The following CACNA1A variants were observed in gnomAD, a reference collection of about 807,000 sequenced individuals.
CACNA1A encodes voltage-dependent P/Q-type calcium channel subunit alpha-1A.
A neutral mutation model predicts 262.4 loss-of-function variants in CACNA1A; 57 were observed. That is an observed-to-expected ratio of 0.22 (90% CI 0.18 to 0.27). CACNA1A has a LOEUF of 0.27. CACNA1A is among the 10% of genes least tolerant of loss of function. The pLI is 1.00. For missense variants in CACNA1A, 2,526 were observed against 3,562.8 expected (o/e 0.71, Z 7.41); for synonymous variants, 1,431 against 1,419.3 (o/e 1.01, Z -0.18).
chr19:13,374,939 G>T (rs545989416), intron 3 of CACNA1A, among the ~76,000 whole-genome samples: 133 of 152,276 alleles, frequency 8.7e-4, no homozygotes, highest in African/African-American at 3.2e-3. Context: ...CCAAAGTGCT[G>T]GGATTATGGA....
chr19:13,314,061 G>A (rs572383107), intron 11 of CACNA1A, among the ~76,000 whole-genome samples: 1 of 152,230 alleles, frequency 6.6e-6, no homozygotes, highest in East Asian at 1.9e-4. Context: ...AATGCCTCAG[G>A]GAGGGGTAAA....
Position 13,208,891 on chromosome 19 carries a change from G to T in CACNA1A, c.6645C>A (p.His2215Gln). The T allele has an allele frequency of 6.5e-7, 1 of 1,534,244 alleles. No homozygotes were observed. Among genetic ancestry groups the T allele is most frequent in the Non-Finnish European group, 8.7e-7 (1 of 1,145,206 alleles). The stretch of plus-strand genomic sequence containing the variant: ...CGGGGGGCGGGGGATGGTGGTGGTG[G>T]TGGTGGTGGTGGTGGTGCTGTCGAT... ...RKHRQHHHHHHHHHHPPPPDK... is the reference protein window; with the variant it reads ...RKHRQHHHHHQHHHHPPPPDK... The change falls in exon 46 of 47, where the codon CAC becomes CAA. Residue 2215 changes from histidine (H) to glutamine (Q), a missense_variant. Coordinates refer to ENST00000360228, the MANE Select transcript of CACNA1A (RefSeq NM_001127222.2).
intron 3 of CACNA1A, among the ~76,000 whole-genome samples, chr19:13,434,447 G>C (rs374991276): frequency 3.3e-5 from 5 of 152,142 alleles, no homozygotes; most frequent in South Asian, 2.1e-4. Context: ...CAAATCTTAT[G>C]GCGAATTGTA....
chr19:13,322,165 G>T, intron 10 of CACNA1A, among the ~76,000 whole-genome samples: 1 of 144,852 alleles, frequency 6.9e-6, no homozygotes, highest in East Asian at 2.1e-4. Context: ...TCGTGCCATT[G>T]CACTCCAGCC....
In CACNA1A at chr19:13,253,414, G is replaced by A. The variant is rs983993060; in HGVS notation, c.4756-313C>T. 5.3e-5 allele frequency among the ~76,000 whole-genome samples: 8 copies of A among 150,106 alleles called. 1 individual carries two copies. The highest frequency in any genetic ancestry group is 4.6e-4 in the Admixed American group (7 of 15,058). ...TAGCCTCCTGATAGTCGGGACTATA[G>A]GCATACGCCATTGTGCTTGGCTGAA... On this transcript the variant is annotated intron_variant, in intron 29 of 46. Coordinates refer to ENST00000360228, the MANE Select transcript of CACNA1A (RefSeq NM_001127222.2).
chr19:13,308,796 C>G lies in CACNA1A; in HGVS notation c.1669-268G>C. 3.5e-6 allele frequency: 1 copy of G among 282,280 alleles called. No homozygotes were observed. Among genetic ancestry groups the G allele is most frequent in the Non-Finnish European group, 6.6e-6 (1 of 151,208 alleles). The allele number at this position is 282,280 out of a possible 1,614,324, so 17.5% of individuals were successfully genotyped here. On this transcript the variant is annotated intron_variant, in intron 12 of 46. Coordinates refer to ENST00000360228, the MANE Select transcript of CACNA1A (RefSeq NM_001127222.2). This position sits in a 1 kb window ranked among gnomAD's most constrained non-coding sequence, Gnocchi z 4.2. ...GGCTTAAGTGATCCTCCCACCTCAG[C>G]CTCTTGAGTAGCTGGGATTACAGGT...
In CACNA1A at chr19:13,222,756, G is replaced by A. The variant is rs867561236; in HGVS notation, c.5731+1911C>T. Among the ~76,000 whole-genome samples, 6 of 149,002 alleles carry A rather than the reference G, an allele frequency of 4.0e-5. No homozygotes were observed. In the South Asian group the frequency reaches 1.3e-3, roughly 32 times the overall value. On this transcript the variant is annotated intron_variant, in intron 38 of 46. Coordinates refer to ENST00000360228, the MANE Select transcript of CACNA1A (RefSeq NM_001127222.2). The stretch of plus-strand genomic sequence containing the variant: ...GTCATCCAGGCTGGAGTTCAGTGGC[G>A]CGATCTTGGCTCACTGCAACCTCTG...
rs10426600 is a variant in CACNA1A at position 13,311,868 on chromosome 19, A to T, written c.1668+801T>A. On this transcript the variant is annotated intron_variant, in intron 12 of 46. Transcript: ENST00000360228. ...AAAAAATAAAAACAAAAAATAAAAA[A>T]AAATAAATAAATTATTAAGCCTTTC... is the stretch of plus-strand genomic sequence containing the variant. Among the ~76,000 whole-genome samples the T allele has an allele frequency of 7.3e-3, 807 of 110,600 alleles. 10 individuals are homozygous for T. Among genetic ancestry groups the T allele is most frequent in the African/African-American group, 0.028 (748 of 26,828 alleles). 72.6% of individuals were successfully genotyped at this position (110,600 alleles called of 152,430 possible). A position where few individuals can be genotyped will look rare whatever the true frequency, so the allele number is the denominator to read the frequency against.
intron 3 of CACNA1A, among the ~76,000 whole-genome samples, chr19:13,435,280 ATT>A (rs763650240): frequency 5.0e-5 from 7 of 141,246 alleles, no homozygotes; most frequent in Non-Finnish European, 9.3e-5. Context: ...TGCCTGGCTA[ATT>A]TTTTTTTTTT....
intron 24 of CACNA1A, among the ~76,000 whole-genome samples, chr19:13,268,487 G>GC (rs2056923312): frequency 6.7e-6 from 1 of 150,200 alleles, no homozygotes; most frequent in Non-Finnish European, 1.5e-5. Context: ...AGGCTGGAGT[G>GC]CAGTGGCAAG....
chr19:13,398,132 G>A (rs1159406647), intron 3 of CACNA1A, among the ~76,000 whole-genome samples: 9 of 151,844 alleles, frequency 5.9e-5, no homozygotes, highest in East Asian at 1.9e-4. Flanking sequence ...GTGTGGTGGC[G>A]GGCACCTGTA....
intron 3 of CACNA1A, among the ~76,000 whole-genome samples, chr19:13,403,868 G>A (rs1162706959): frequency 6.6e-6 from 1 of 152,140 alleles, no homozygotes; most frequent in East Asian, 1.9e-4. Flanking sequence ...TGAGGTGGGA[G>A]GATAGCTTGA....
chr19:13,401,995 G>A (rs2059907271), intron 3 of CACNA1A, among the ~76,000 whole-genome samples: 1 of 152,208 alleles, frequency 6.6e-6, no homozygotes, highest in South Asian at 2.1e-4. Context: ...TACTTTAGAA[G>A]TTGATTTCTC....
chr19:13,236,010 G>A lies in CACNA1A; in HGVS notation c.4951-280C>T. 1.4e-5 allele frequency: 5 copies of A among 351,100 alleles called. No individual in the cohort carries two copies. The allele number at this position is 351,100 out of a possible 1,614,324, so 21.7% of individuals were successfully genotyped here. A position where few individuals can be genotyped will look rare whatever the true frequency, so the allele number is the denominator to read the frequency against. ...CCCACCCACAATGGGGAAAAGAAAA[G>A]AAAAAGAAAGGAGGAAAAAGGAACG... On this transcript the variant is annotated intron_variant, in intron 31 of 46. Transcript: ENST00000360228. This position sits in a 1 kb window ranked among gnomAD's most constrained non-coding sequence, Gnocchi z 4.6.
chr19:13,415,775 T>TAAAAAAAAAAAAAAAAAAAAAAAA (rs1568623943), intron 3 of CACNA1A, among the ~76,000 whole-genome samples: 1 of 83,782 alleles, frequency 1.2e-5, no homozygotes, highest in African/African-American at 4.6e-5. Context: ...AAAAAAAAAG[T>TAAAAAAAAAAAAAAAAAAAAAAAA]AGATGGGGCC....
intron 3 of CACNA1A, among the ~76,000 whole-genome samples, chr19:13,395,927 CCACT>C (rs1167104146): frequency 6.6e-6 from 1 of 152,148 alleles, no homozygotes. Context: ...TTGGGTTTCC[CCACT>C]CAGTCTATTA....
intron 3 of CACNA1A, among the ~76,000 whole-genome samples, chr19:13,402,669 A>G (rs2059915688): frequency 1.3e-5 from 2 of 148,656 alleles, no homozygotes; most frequent in Non-Finnish European, 3.0e-5. Context: ...ACATTCAATT[A>G]TAATTTCAAC....
intron 19 of CACNA1A, among the ~76,000 whole-genome samples, chr19:13,294,897 CCA>C (rs1167215330): frequency 1.3e-5 from 2 of 152,116 alleles, no homozygotes; most frequent in Non-Finnish European, 2.9e-5. Context: ...ACTGACAGCC[CCA>C]GAGTCTCATC....
intron 43 of CACNA1A, chr19:13,211,065 A>C: frequency 4.5e-6 from 1 of 223,620 alleles, no homozygotes; most frequent in Non-Finnish European, 9.2e-6. Flanking sequence ...GCTTGTCCCA[A>C]CCCTCTCCTG....
Sources: gnomAD v4.1 joint callset for allele counts (sites outside exome capture counted in the v4.1 genomes callset) on GRCh38, gnomAD v4.1.1 for gene constraint, Gnocchi (gnomAD v3.1) non-coding constraint, MANE v1.5 for transcripts, NCBI Gene and HGNC (gene_info 2026-07-23, HGNC 2026-07-21) for gene names.